ADORA1: variants seen among roughly 807,000 people sequenced by gnomAD.
ADORA1 encodes the protein adenosine A1 receptor.
ADORA1 carries 6 observed loss-of-function variants against 19.9 expected under a neutral mutation model. The ratio of observed to expected loss-of-function variants is 0.30; its 90% CI spans 0.17 to 0.59. The LOEUF (loss-of-function observed/expected upper bound fraction) is 0.59, where lower values mean the gene tolerates loss of function less well. ADORA1 is among the 20% of genes least tolerant of loss of function. The pLI is 0.87. For synonymous variants in ADORA1, 194 were observed against 188.4 expected, an observed-to-expected ratio of 1.03 and a Z score of -0.24; for missense variants, 302 against 439.2, an observed-to-expected ratio of 0.69 and a Z score of 2.79.
intron 3 of ADORA1, among the ~76,000 whole-genome samples, chr1:203,147,992 G>A (rs1318294714): frequency 6.6e-6 from 1 of 152,180 alleles, no homozygotes; most frequent in African/African-American, 2.4e-5. Context: ...GCCGAGGGAG[G>A]CGGATCATTT....
At chr1:203,140,987 G>A (rs1654665830) in intron 3 of ADORA1, among the ~76,000 whole-genome samples, 3 of 152,210 alleles carry the variant, frequency 2.0e-5, no homozygotes, top group Admixed American at 1.3e-4. Flanking sequence ...GTGTTAACTC[G>A]TGCACAGTGG....
intron 3 of ADORA1, among the ~76,000 whole-genome samples, chr1:203,137,669 A>G (rs1654553314): frequency 6.6e-6 from 1 of 152,144 alleles, no homozygotes; most frequent in South Asian, 2.1e-4. Flanking sequence ...TTTACTTTGT[A>G]TCAAAGTAAA....
chr1:203,145,757 G>T (rs1375026123), intron 3 of ADORA1, among the ~76,000 whole-genome samples: 2 of 152,254 alleles, frequency 1.3e-5, no homozygotes, highest in Non-Finnish European at 2.9e-5. Flanking sequence ...AGTTTCAGGG[G>T]CTCATTCCTC....
chr1:203,129,487 A>G, intron 3 of ADORA1: 1 of 389,350 alleles, frequency 2.6e-6, no homozygotes, highest in Non-Finnish European at 4.6e-6. Flanking sequence ...GGAGATTTGG[A>G]AGAGCCACTA....
intron 3 of ADORA1, among the ~76,000 whole-genome samples, chr1:203,136,654 A>C (rs1267230610): frequency 6.6e-6 from 1 of 152,022 alleles, no homozygotes; most frequent in Non-Finnish European, 1.5e-5. Context: ...GGGAGTGGGG[A>C]TGGCAGGAGA....
intron 3 of ADORA1, among the ~76,000 whole-genome samples, chr1:203,157,264 A>G (rs146138274): frequency 1.5e-3 from 222 of 152,358 alleles, no homozygotes; most frequent in Non-Finnish European, 2.7e-3. Context: ...CCAAAATACA[A>G]TGGTGGGACA....
intron 3 of ADORA1, among the ~76,000 whole-genome samples, chr1:203,157,891 C>A (rs1230287947): frequency 2.6e-5 from 4 of 152,188 alleles, no homozygotes; most frequent in Admixed American, 6.5e-5. Context: ...ATGCCGAGGT[C>A]CTGCCTGGTG....
At chr1:203,162,531 C>T (rs1180327808) in intron 3 of ADORA1, among the ~76,000 whole-genome samples, 13 of 152,172 alleles carry the variant, frequency 8.5e-5, no homozygotes, top group Admixed American at 6.5e-4. Context: ...ATAGGCTGGA[C>T]GGCAGCACCA....
intron 3 of ADORA1, among the ~76,000 whole-genome samples, chr1:203,145,388 C>T (rs530622569): frequency 3.3e-5 from 5 of 152,320 alleles, no homozygotes; most frequent in Non-Finnish European, 5.9e-5. Context: ...CCACCTTCCC[C>T]GCTGACCTGC....
chr1:203,130,688 A>T, intron 3 of ADORA1, among the ~76,000 whole-genome samples: 1 of 152,262 alleles, frequency 6.6e-6, no homozygotes, highest in East Asian at 1.9e-4. Flanking sequence ...TTGGAAACTC[A>T]TGCAGATGTC....
At chr1:203,153,855 A>C (rs1352959905) in intron 3 of ADORA1, among the ~76,000 whole-genome samples, 1 of 152,228 alleles carries the variant, frequency 6.6e-6, no homozygotes. Context: ...TGAAAGCCTT[A>C]CTTTCCTGCT....
At position 203,128,784 on chromosome 1, in the gene ADORA1, G is replaced by C; in HGVS notation, c.-57-1G>C. 1 of 1,542,460 alleles carries C rather than the reference G, an allele frequency of 6.5e-7. No individual in the cohort carries two copies. The highest frequency in any genetic ancestry group is 8.7e-7 in the Non-Finnish European group (1 of 1,149,042). ...CATCCCAGGCTTCCCTGACCACACAGGTGCTTGCCTCGTGCCCCTTGGTGC... is the reference window on the plus strand; with the variant it reads ...CATCCCAGGCTTCCCTGACCACACACGTGCTTGCCTCGTGCCCCTTGGTGC... On this transcript the variant is annotated splice_acceptor_variant, in intron 2 of 3. Coordinates refer to ENST00000337894, the MANE Select transcript of ADORA1 (RefSeq NM_000674.3). LOFTEE classifies it low-confidence loss of function (5UTR_SPLICE). This position sits in a 1 kb window ranked among gnomAD's most constrained non-coding sequence, Gnocchi z 5.9.
intron 3 of ADORA1, among the ~76,000 whole-genome samples, chr1:203,140,980 T>G (rs1161564996): frequency 6.6e-6 from 1 of 152,256 alleles, no homozygotes; most frequent in Non-Finnish European, 1.5e-5. Flanking sequence ...GTGGATTGTG[T>G]TAACTCGTGC....
intron 3 of ADORA1, among the ~76,000 whole-genome samples, chr1:203,154,923 A>C (rs952882974): frequency 6.6e-6 from 1 of 151,318 alleles, no homozygotes; most frequent in Admixed American, 6.6e-5. Context: ...GTCTATGCCC[A>C]CCCCCTCTTC....
intron 3 of ADORA1, among the ~76,000 whole-genome samples, chr1:203,162,598 T>G (rs1655406884): frequency 6.6e-6 from 1 of 152,134 alleles, no homozygotes. Context: ...GGCAGAGTCT[T>G]GAAGTTCCCC....
In ADORA1 at chr1:203,131,701, C is replaced by T. The variant is rs1308947105; in HGVS notation, c.341+2519C>T. Among the ~76,000 whole-genome samples, 6 of 152,184 alleles carry T rather than the reference C, an allele frequency of 3.9e-5. No individual in the cohort carries two copies. The East Asian group carries it at 1.2e-3, about 29-fold the overall frequency. ...AGTTAGGGAAAGGCTGCTGGGGCCT[C>T]ACTTCTCAAGCAGGGATCCTGGCTG... On this transcript the variant is annotated intron_variant, in intron 3 of 3. Coordinates refer to ENST00000337894, the MANE Select transcript of ADORA1 (RefSeq NM_000674.3).
At chr1:203,129,357 CA>C in intron 3 of ADORA1, 175 bp downstream of exon 3, 1 of 890,948 alleles carries the variant, frequency 1.1e-6, no homozygotes, top group Non-Finnish European at 1.3e-6. Context: ...GCCAGAGAAA[CA>C]GGAGGGGGAT....
chr1:203,153,091 C>CAG (rs907177066), intron 3 of ADORA1, among the ~76,000 whole-genome samples: 4 of 151,916 alleles, frequency 2.6e-5, no homozygotes, highest in Non-Finnish European at 5.9e-5. Flanking sequence ...AACGCCCACC[C>CAG]AGAGAGAGAG....
chr1:203,136,133 T>C (rs1186634024), intron 3 of ADORA1, among the ~76,000 whole-genome samples: 1 of 152,114 alleles, frequency 6.6e-6, no homozygotes, highest in Non-Finnish European at 1.5e-5. Context: ...TTGGGCGGCA[T>C]GAATCACTCC....
Sources: allele counts gnomAD v4.1 joint callset (sites outside exome capture counted in the v4.1 genomes callset), GRCh38; gene constraint gnomAD v4.1.1; non-coding constraint Gnocchi (gnomAD v3.1); transcripts MANE v1.5; gene names NCBI Gene and HGNC (gene_info 2026-07-23, HGNC 2026-07-21).